Variants in ARHGAP17 observed in about 807,000 individuals in gnomAD.
ARHGAP17 encodes the protein Rho GTPase activating protein 17, also known as rho GTPase-activating protein 17.
ARHGAP17 carries 57 observed loss-of-function variants against 99.5 expected under a neutral mutation model. The observed-to-expected ratio is 0.57, with a 90% confidence interval of 0.46 to 0.71. The LOEUF is 0.71. ARHGAP17 is among the 30% of genes least tolerant of loss of function. The pLI, the probability that ARHGAP17 is intolerant of heterozygous loss-of-function variation, is 0.00. For synonymous variants in ARHGAP17, 417 were observed against 429.6 expected (o/e 0.97, Z 0.36); for missense variants, 1,000 against 1,122.4 (o/e 0.89, Z 1.56).
intron 19 of ARHGAP17, among the ~76,000 whole-genome samples, chr16:24,922,203 C>CCG (rs1314358453): frequency 6.6e-6 from 1 of 152,236 alleles, no homozygotes; most frequent in Non-Finnish European, 1.5e-5. Context: ...GGCTACCAGC[C>CCG]CGTGTCTCTT....
chr16:24,968,554 CA>C, intron 5 of ARHGAP17, 106 bp downstream of exon 5: 2 of 1,505,230 alleles, frequency 1.3e-6, no homozygotes, highest in Non-Finnish European at 1.8e-6. Context: ...CCCTTATTTC[CA>C]AAAAGAAGTG....
At position 24,954,731 on chromosome 16, in the gene ARHGAP17, C is replaced by T; in HGVS notation, c.725-1G>A. On this transcript the variant is annotated splice_acceptor_variant, in intron 9 of 19. Transcript: ENST00000289968. LOFTEE classifies it high-confidence loss of function. ...AAGGCTGGTTTTTCCGCCCACTTAT[C>T]TAGAGCAGCAAATTGTTCAGTTAGA... 6.2e-7 allele frequency: 1 copy of T among 1,613,708 alleles called. No homozygotes were observed.
chr16:24,978,494 C>T lies in ARHGAP17; in HGVS notation c.93+472G>A, dbSNP rs190953112. Among the ~76,000 whole-genome samples the T allele has an allele frequency of 7.8e-4, 119 of 152,332 alleles. 3 individuals carry two copies. In the East Asian group the frequency reaches 0.02, roughly 26 times the overall value. ...AGACTGAAAAAAAGGCAGAAGAACA[C>T]AGGGCAAATCAAGGGATGTTTCACG... On this transcript the variant is annotated intron_variant, in intron 2 of 19. Transcript: ENST00000289968.
At chr16:24,927,360 C>G (rs2050869564) in intron 19 of ARHGAP17, among the ~76,000 whole-genome samples, 1 of 152,208 alleles carries the variant, frequency 6.6e-6, no homozygotes, top group Admixed American at 6.5e-5. Context: ...ATACCAAGAG[C>G]TGAAATTCTA....
chr16:24,982,976 A>ATATATATATATATT (rs1480550736), intron 1 of ARHGAP17, among the ~76,000 whole-genome samples: 5 of 20,240 alleles, frequency 2.5e-4, no homozygotes, highest in African/African-American at 8.9e-4. Context: ...ATATATATAT[A>ATATATATATATATT]TATATATATA....
chr16:24,993,588 CAAAAA>C (rs74798570), intron 1 of ARHGAP17, among the ~76,000 whole-genome samples: 1 of 113,622 alleles, frequency 8.8e-6, no homozygotes, highest in South Asian at 2.7e-4. Context: ...GACTCTGTCT[CAAAAA>C]AAAAAAAAAA....
rs772421026 is a variant in ARHGAP17 at position 24,968,792 on chromosome 16, A to C, written c.273-20T>G. The C allele has an allele frequency of 1.3e-4, 208 of 1,611,656 alleles. No homozygotes were observed. Among genetic ancestry groups the C allele is most frequent in the Middle Eastern group, 4.9e-4 (3 of 6,080 alleles). ...ATCTTCCTTTAAAAACAAGACCCCC[A>C]ACAACGAGCACGTGCTCATTAAATC... On this transcript the variant is annotated intron_variant, in intron 4 of 19. Coordinates refer to ENST00000289968, the MANE Select transcript of ARHGAP17 (RefSeq NM_001006634.3).
At chr16:24,950,460 G>A (rs909928525) in intron 12 of ARHGAP17, among the ~76,000 whole-genome samples, 6 of 152,144 alleles carry the variant, frequency 3.9e-5, no homozygotes, top group Non-Finnish European at 5.9e-5. Flanking sequence ...CCAAGGATAC[G>A]TGATGACTAA....
intron 1 of ARHGAP17, among the ~76,000 whole-genome samples, chr16:24,995,786 A>T (rs2053175268): frequency 6.6e-6 from 1 of 152,202 alleles, no homozygotes; most frequent in South Asian, 2.1e-4. Context: ...AAAAAAAAAA[A>T]TCTTCAGAAA....
At chr16:24,961,066 G>T (rs1567232514) in intron 7 of ARHGAP17, among the ~76,000 whole-genome samples, 1 of 151,370 alleles carries the variant, frequency 6.6e-6, no homozygotes, top group Non-Finnish European at 1.5e-5. Context: ...GTTTTGCCAC[G>T]TTGGCCAGGC....
intron 1 of ARHGAP17, among the ~76,000 whole-genome samples, chr16:24,992,556 G>A (rs1420843806): frequency 2.0e-5 from 3 of 152,004 alleles, no homozygotes; most frequent in Non-Finnish European, 4.4e-5. Flanking sequence ...GGATGGTCTC[G>A]ATCTCCTGAC....
intron 3 of ARHGAP17, among the ~76,000 whole-genome samples, chr16:24,973,694 G>A (rs1190140872): frequency 6.6e-6 from 1 of 152,116 alleles, no homozygotes; most frequent in African/African-American, 2.4e-5. Flanking sequence ...ATAAAACCCT[G>A]TGCATGTTTT....
rs185214473 is a variant in ARHGAP17, at chr16:24,943,679, T to C, written c.1333+92A>G. ...AAAAGTGAAACCAATTACGTAATCA[T>C]GAAGAAGGATTACAGATGTATTCTC... On this transcript the variant is annotated intron_variant, in intron 15 of 19. Transcript: ENST00000289968. The C allele has an allele frequency of 1.9e-4, 212 of 1,117,426 alleles. 2 individuals carry two copies. In the East Asian group the frequency reaches 4.8e-3, roughly 25 times the overall value. The allele number at this position is 1,117,426 out of a possible 1,614,324, so 69.2% of individuals were successfully genotyped here.
chr16:24,953,063 T>A, intron 10 of ARHGAP17, 21 bp from the exon 11 acceptor site: 1 of 1,612,050 alleles, frequency 6.2e-7, no homozygotes, highest in Middle Eastern at 1.7e-4. Flanking sequence ...TGAAAAGCCA[T>A]CAGCATCAAG....
chr16:25,012,336 T>C (rs2053663470), intron 1 of ARHGAP17, among the ~76,000 whole-genome samples: 1 of 152,172 alleles, frequency 6.6e-6, no homozygotes, highest in African/African-American at 2.4e-5. Flanking sequence ...ACTAATTCTC[T>C]ACAAGTCCCT....
chr16:24,958,726 G>C (rs2051887106), intron 9 of ARHGAP17, among the ~76,000 whole-genome samples: 2 of 152,124 alleles, frequency 1.3e-5, no homozygotes, highest in Admixed American at 1.3e-4. Context: ...GAAGGTGCTG[G>C]TATGTATGCA....
In ARHGAP17 at chr16:24,947,629, T is replaced by C. The variant is rs1310287463; in HGVS notation, c.1128-34A>G. 4 of 1,547,302 alleles carry C rather than the reference T, an allele frequency of 2.6e-6. No individual in the cohort carries two copies. In the Admixed American group the frequency reaches 6.7e-5, roughly 26 times the overall value. ...CAAAAGAGAAGGGGAGGGTTTCTCC[T>C]CTGAAATAGCTGCTGGAATGTTCTC... On this transcript the variant is annotated intron_variant, in intron 13 of 19. Coordinates refer to ENST00000289968, the MANE Select transcript of ARHGAP17 (RefSeq NM_001006634.3).
chr16:24,949,076 C>A, intron 13 of ARHGAP17: 1 of 199,136 alleles, frequency 5.0e-6, no homozygotes, highest in Admixed American at 5.9e-5. Context: ...ATTAATTTTG[C>A]CTTTTAACAT....
At chr16:24,995,638 C>T (rs1176807496) in intron 1 of ARHGAP17, among the ~76,000 whole-genome samples, 1 of 152,204 alleles carries the variant, frequency 6.6e-6, no homozygotes, top group Non-Finnish European at 1.5e-5. Flanking sequence ...CAATCCACCA[C>T]CAGGGTGGGC....
Sources: gnomAD v4.1 joint callset for allele counts (sites outside exome capture counted in the v4.1 genomes callset) on GRCh38, gnomAD v4.1.1 for gene constraint, MANE v1.5 for transcripts, NCBI Gene and HGNC (gene_info 2026-07-23, HGNC 2026-07-21) for gene names.